Variants in TLL2 observed in about 807,000 individuals in gnomAD.
TLL2 encodes tolloid-like protein 2.
A neutral mutation model predicts 123.0 loss-of-function variants in TLL2; 106 were observed. The observed-to-expected ratio is 0.86, with a 90% CI of 0.74 to 1.01. TLL2 has a LOEUF of 1.01. TLL2 is among the 50% of genes least tolerant of loss of function. The probability of loss-of-function intolerance (pLI) is 0.00; values close to 1 mark genes in which losing one functional copy is unlikely to be tolerated. For synonymous variants in TLL2, 494 were observed against 516.8 expected (o/e 0.96, Z 0.60); for missense variants, 1,332 against 1,336.7 (o/e 1.00, Z 0.06).
At chr10:96,447,323 G>A (rs954980622) in intron 2 of TLL2, among the ~76,000 whole-genome samples, 10 of 152,246 alleles carry the variant, frequency 6.6e-5, no homozygotes, top group African/African-American at 2.2e-4. Context: ...ACCCTGCAGA[G>A]GGTTTAAAGC....
At chr10:96,458,454 G>T (rs1469999409) in intron 2 of TLL2, among the ~76,000 whole-genome samples, 2 of 152,020 alleles carry the variant, frequency 1.3e-5, no homozygotes, top group East Asian at 3.9e-4. Flanking sequence ...AGGCTTGGTG[G>T]TGGGCGCCTG....
At chr10:96,491,438 G>A (rs1316323609) in intron 1 of TLL2, among the ~76,000 whole-genome samples, 2 of 151,590 alleles carry the variant, frequency 1.3e-5, no homozygotes, top group Admixed American at 1.3e-4. Flanking sequence ...CCACGAAAAT[G>A]CCCTCAGCTC....
At chr10:96,375,731 G>C (rs752725925) in intron 18 of TLL2, among the ~76,000 whole-genome samples, 1 of 152,050 alleles carries the variant, frequency 6.6e-6, no homozygotes, top group Non-Finnish European at 1.5e-5. Flanking sequence ...CTCACTCATG[G>C]CTCTCACCAA....
Position 96,503,060 on chromosome 10 carries a change from G to A in TLL2, c.175+10451C>T, listed in dbSNP as rs546712483. ...GAACCGTATTATGAGCAGGCTGAGAGGGTACCATGAGAAACCTGCTTCTAC... is the reference window on the plus strand; with the variant it reads ...GAACCGTATTATGAGCAGGCTGAGAAGGTACCATGAGAAACCTGCTTCTAC... On this transcript the variant is annotated intron_variant, in intron 1 of 20. Transcript: ENST00000357947. Among the ~76,000 whole-genome samples, 142 of 152,230 alleles carry A rather than the reference G, an allele frequency of 9.3e-4. 2 individuals carry two copies. The highest frequency in any genetic ancestry group is 6.0e-3 in the South Asian group (29 of 4,812).
intron 3 of TLL2, among the ~76,000 whole-genome samples, chr10:96,435,055 G>A (rs371311762): frequency 4.5e-4 from 64 of 141,932 alleles, no homozygotes; most frequent in Non-Finnish European, 7.9e-4. Context: ...TTTTTGAGAC[G>A]GAGTCTTGCT....
intron 7 of TLL2, among the ~76,000 whole-genome samples, chr10:96,418,094 T>A (rs945720055): frequency 2.0e-5 from 3 of 152,178 alleles, no homozygotes; most frequent in Admixed American, 6.5e-5. Flanking sequence ...GAATTTTTAT[T>A]TCATGGGTTT....
intron 7 of TLL2, among the ~76,000 whole-genome samples, chr10:96,420,568 A>C: frequency 6.6e-6 from 1 of 152,202 alleles, no homozygotes; most frequent in Non-Finnish European, 1.5e-5. Context: ...GACACAGCCT[A>C]GTTTCCAATA....
intron 18 of TLL2, among the ~76,000 whole-genome samples, chr10:96,374,975 G>A (rs542032085): frequency 0.17 from 20,198 of 119,138 alleles, 2,028 homozygotes; most frequent in South Asian, 0.26. Context: ...GGGGGGGGGG[G>A]GGTGTCAATT....
intron 1 of TLL2, among the ~76,000 whole-genome samples, chr10:96,503,377 A>T (rs995084197): frequency 7.2e-5 from 11 of 152,230 alleles, no homozygotes; most frequent in African/African-American, 2.7e-4. Flanking sequence ...AAACAAGATT[A>T]TATGATGGGT....
rs542093529 is a variant in TLL2, at chr10:96,369,038, G to A, written c.2914-816C>T. On this transcript the variant is annotated intron_variant, in intron 20 of 20. Transcript: ENST00000357947. ...AATATAAATGCCAATTTGAGTTTCCGTTTAGCACAAGGACCACTGGTGACT... is the reference window on the plus strand; with the variant it reads ...AATATAAATGCCAATTTGAGTTTCCATTTAGCACAAGGACCACTGGTGACT... Among the ~76,000 whole-genome samples the A allele has an allele frequency of 5.9e-5, 9 of 152,308 alleles. No individual in the cohort carries two copies. The South Asian group carries it at 1.2e-3, about 21-fold the overall frequency.
intron 1 of TLL2, among the ~76,000 whole-genome samples, chr10:96,504,424 A>G (rs1308463652): frequency 2.0e-5 from 3 of 152,062 alleles, no homozygotes; most frequent in Non-Finnish European, 4.4e-5. Context: ...AGCCTGGCTG[A>G]TATGGCGAAA....
intron 18 of TLL2, chr10:96,374,051 A>G: frequency 3.9e-6 from 2 of 518,956 alleles, no homozygotes; most frequent in East Asian, 3.4e-5. Flanking sequence ...TGCTACAATG[A>G]CCACACTGCA....
At chr10:96,384,493 A>G in intron 16 of TLL2, 94 bp downstream of exon 16, 1 of 1,324,974 alleles carries the variant, frequency 7.5e-7, no homozygotes, top group Non-Finnish European at 1.0e-6. Context: ...GGAGCAAGCA[A>G]AGAGAGAGAG....
At chr10:96,505,018 A>AAAAT (rs149562540) in intron 1 of TLL2, among the ~76,000 whole-genome samples, 10,908 of 151,680 alleles carry the variant, frequency 0.072, 445 homozygotes, top group Non-Finnish European at 0.089. Context: ...AAAAAAATAA[A>AAAAT]AAATAAATAA....
At chr10:96,374,939 C>T (rs1349868751) in intron 18 of TLL2, among the ~76,000 whole-genome samples, 2 of 114,922 alleles carry the variant, frequency 1.7e-5, no homozygotes, top group Admixed American at 1.2e-4. Context: ...AATGACAGAG[C>T]AGGGAGACAG....
intron 1 of TLL2, among the ~76,000 whole-genome samples, chr10:96,483,903 C>T (rs1190402698): frequency 6.6e-6 from 1 of 152,150 alleles, no homozygotes; most frequent in Admixed American, 6.5e-5. Context: ...AGTGCAGTGG[C>T]ACGATCTCAG....
chr10:96,502,250 G>A (rs1847541366), intron 1 of TLL2, among the ~76,000 whole-genome samples: 3 of 152,202 alleles, frequency 2.0e-5, no homozygotes, highest in African/African-American at 7.2e-5. Flanking sequence ...GAGCACCCCG[G>A]GGCCTGCTGA....
In TLL2 at chr10:96,432,964, T is replaced by A. The variant is rs1213121912; in HGVS notation, c.365-2A>T. 6.2e-7 allele frequency: 1 copy of A among 1,612,628 alleles called. No homozygotes were observed. The highest frequency in any genetic ancestry group is 2.2e-5 in the East Asian group (1 of 44,870). ...GGAGTGTGGTATTCTCCCGGCCATC[T>A]GCAACACAGTCAGGTTAATATTGAT... On this transcript the variant is annotated splice_acceptor_variant, in intron 3 of 20. Transcript: ENST00000357947. LOFTEE classifies it high-confidence loss of function.
At chr10:96,506,271 A>AAAAAAAAAAAAG (rs1564921537) in intron 1 of TLL2, among the ~76,000 whole-genome samples, 2 of 150,126 alleles carry the variant, frequency 1.3e-5, no homozygotes, top group African/African-American at 4.9e-5. Flanking sequence ...AAAAAGAAAA[A>AAAAAAAAAAAAG]AAAAAAAGAA....
Sources: allele counts gnomAD v4.1 joint callset (sites outside exome capture counted in the v4.1 genomes callset), GRCh38; gene constraint gnomAD v4.1.1; transcripts MANE v1.5; gene names NCBI Gene and HGNC (gene_info 2026-07-23, HGNC 2026-07-21).